The following EFR3B variants were observed in gnomAD, a reference collection of about 807,000 sequenced individuals.
EFR3B encodes the protein EFR3 homolog B.
In EFR3B, 64 loss-of-function variants were observed where a neutral mutation model predicts 104.7. The ratio of observed to expected loss-of-function variants is 0.61; its 90% CI spans 0.50 to 0.75. The LOEUF (loss-of-function observed/expected upper bound fraction) is 0.75. EFR3B is among the 30% of genes least tolerant of loss of function. The probability of loss-of-function intolerance (pLI) is 0.00; values close to 1 mark genes in which losing one functional copy is unlikely to be tolerated. For synonymous variants in EFR3B, 385 were observed against 417.9 expected (o/e 0.92, Z 0.96); for missense variants, 750 against 1,078.5 (o/e 0.70, Z 4.27).
chr2:25,080,610 A>G, intron 1 of EFR3B: 1 of 548,148 alleles, frequency 1.8e-6, no homozygotes, highest in Non-Finnish European at 3.2e-6. Flanking sequence ...GTTTTATTAT[A>G]TCTATTGAGG....
intron 4 of EFR3B, among the ~76,000 whole-genome samples, chr2:25,106,067 T>C (rs939894160): frequency 6.6e-6 from 1 of 152,258 alleles, no homozygotes; most frequent in African/African-American, 2.4e-5. Flanking sequence ...TCCAGCTCTC[T>C]GTGCCCAGAC....
chr2:25,093,506 A>G (rs936095106), intron 3 of EFR3B, among the ~76,000 whole-genome samples: 2 of 148,830 alleles, frequency 1.3e-5, no homozygotes, highest in Non-Finnish European at 3.0e-5. Context: ...TCAAAAAAAG[A>G]AAAAAAAAAG....
chr2:25,129,372 G>C (rs1291800740), intron 6 of EFR3B, among the ~76,000 whole-genome samples: 1 of 141,246 alleles, frequency 7.1e-6, no homozygotes, highest in African/African-American at 2.7e-5. Context: ...GGGGCGTGGG[G>C]TGGGGTGGGG....
intron 1 of EFR3B, among the ~76,000 whole-genome samples, chr2:25,055,019 G>A (rs1474242961): frequency 1.3e-5 from 2 of 152,232 alleles, no homozygotes; most frequent in Non-Finnish European, 1.5e-5. Flanking sequence ...ATTTTGCAAT[G>A]TTTATTCCAT....
intron 4 of EFR3B, among the ~76,000 whole-genome samples, chr2:25,119,887 T>A (rs1669966190): frequency 6.6e-6 from 1 of 152,216 alleles, no homozygotes; most frequent in Non-Finnish European, 1.5e-5. Context: ...ATACTAAATA[T>A]TATGAGAGTC....
intron 6 of EFR3B, among the ~76,000 whole-genome samples, chr2:25,129,221 G>A (rs1446971026): frequency 1.1e-4 from 16 of 151,536 alleles, no homozygotes; most frequent in Non-Finnish European, 1.5e-5. Flanking sequence ...GAAATGGAAT[G>A]GGGAGAAAGG....
chr2:25,044,309 C>T (rs1224963484), intron 1 of EFR3B, among the ~76,000 whole-genome samples: 7 of 152,040 alleles, frequency 4.6e-5, no homozygotes, highest in Non-Finnish European at 1.0e-4. Flanking sequence ...GAGCCCACTC[C>T]CCCTGGTGAG....
At chr2:25,063,749 C>T (rs559077169) in intron 1 of EFR3B, among the ~76,000 whole-genome samples, 25 of 152,264 alleles carry the variant, frequency 1.6e-4, no homozygotes, top group African/African-American at 4.8e-4. Context: ...TACCATCAAC[C>T]GATCCTTTTG....
chr2:25,105,675 G>C (rs902713956), intron 4 of EFR3B, among the ~76,000 whole-genome samples: 4 of 152,204 alleles, frequency 2.6e-5, no homozygotes, highest in African/African-American at 9.7e-5. Flanking sequence ...AACAGCTTCA[G>C]ATACTGTTTT....
At chr2:25,077,491 A>G (rs1668669522) in intron 1 of EFR3B, among the ~76,000 whole-genome samples, 1 of 152,178 alleles carries the variant, frequency 6.6e-6, no homozygotes, top group Admixed American at 6.5e-5. Context: ...GGGTTTCACC[A>G]TGTTGGCCAG....
chr2:25,059,981 G>A (rs990842567), intron 1 of EFR3B, among the ~76,000 whole-genome samples: 1 of 150,722 alleles, frequency 6.6e-6, no homozygotes, highest in African/African-American at 2.4e-5. Flanking sequence ...GGCATATCAC[G>A]AGGTCAGGAA....
At chr2:25,052,957 T>C (rs1401875902) in intron 1 of EFR3B, among the ~76,000 whole-genome samples, 4 of 152,252 alleles carry the variant, frequency 2.6e-5, no homozygotes, top group Non-Finnish European at 5.9e-5. Context: ...AGAAGTTTAA[T>C]AACTTCTCCA....
chr2:25,122,811 C>A (rs1670051524), intron 5 of EFR3B, among the ~76,000 whole-genome samples: 1 of 152,092 alleles, frequency 6.6e-6, no homozygotes, highest in African/African-American at 2.4e-5. Context: ...CACCACCTGT[C>A]TCTTCCCACT....
chr2:25,119,585 C>G (rs1669959413), intron 4 of EFR3B, among the ~76,000 whole-genome samples: 2 of 152,222 alleles, frequency 1.3e-5, no homozygotes, highest in Non-Finnish European at 2.9e-5. Context: ...ACCACTGTGC[C>G]TCTTCTGCGT....
chr2:25,111,388 T>C (rs1669721406), intron 4 of EFR3B, among the ~76,000 whole-genome samples: 1 of 152,132 alleles, frequency 6.6e-6, no homozygotes, highest in Non-Finnish European at 1.5e-5. Context: ...ATCGTGCCCA[T>C]TTCTCCCTGG....
chr2:25,054,311 C>T (rs925820431), intron 1 of EFR3B, among the ~76,000 whole-genome samples: 5 of 152,020 alleles, frequency 3.3e-5, no homozygotes, highest in African/African-American at 1.2e-4. Flanking sequence ...GATATTATTA[C>T]CATGCAAGTA....
intron 3 of EFR3B, among the ~76,000 whole-genome samples, chr2:25,097,934 C>G (rs1669329150): frequency 6.6e-6 from 1 of 152,152 alleles, no homozygotes; most frequent in African/African-American, 2.4e-5. Context: ...CCAGCCAGGA[C>G]CAAGCCCTGG....
At chr2:25,094,563 T>C (rs1669226678) in intron 3 of EFR3B, among the ~76,000 whole-genome samples, 1 of 152,138 alleles carries the variant, frequency 6.6e-6, no homozygotes, top group Non-Finnish European at 1.5e-5. Flanking sequence ...TGCTAACTTA[T>C]TAAATTCATC....
intron 1 of EFR3B, chr2:25,081,286 C>A: frequency 9.8e-7 from 1 of 1,021,164 alleles, no homozygotes; most frequent in Non-Finnish European, 1.5e-6. Context: ...TTTCCTCGAC[C>A]ATCAGCTGAA....
Sources: allele counts gnomAD v4.1 joint callset (sites outside exome capture counted in the v4.1 genomes callset), GRCh38; gene constraint gnomAD v4.1.1; transcripts MANE v1.5; gene names NCBI Gene and HGNC (gene_info 2026-07-23, HGNC 2026-07-21).